The following NEK8 variants were observed in gnomAD, a reference collection of about 807,000 sequenced individuals.
The protein encoded by NEK8 is NIMA related kinase 8.
Under a neutral mutation model 77.2 loss-of-function variants are expected in NEK8, and 51 were observed. The observed-to-expected ratio is 0.66, with a 90% CI of 0.53 to 0.83. The LOEUF (loss-of-function observed/expected upper bound fraction) is 0.83. NEK8 is among the 40% of genes least tolerant of loss of function. The pLI is 0.00. For missense variants in NEK8, 787 were observed against 909.2 expected (o/e 0.87, Z 1.73); for synonymous variants, 365 against 363.2 (o/e 1.00, Z -0.06).
rs1444219606 is a variant in NEK8, at chr17:28,738,764, C to T, written c.1299+17C>T. The T allele has an allele frequency of 6.2e-7, 1 of 1,604,114 alleles. No individual in the cohort carries two copies. Among genetic ancestry groups the T allele is most frequent in the Non-Finnish European group, 8.5e-7 (1 of 1,170,920 alleles). ...ATCAGCCAGGTGGGTGTCACATATACCTTGGGAAGGGGAAGTCGGGGGATG... is the reference window on the plus strand; with the variant it reads ...ATCAGCCAGGTGGGTGTCACATATATCTTGGGAAGGGGAAGTCGGGGGATG... On this transcript the variant is annotated intron_variant, in intron 9 of 14. Transcript: ENST00000268766.
chr17:28,741,539 G>T lies in NEK8; in HGVS notation c.2018G>T (p.Cys673Phe). The change falls in exon 14 of 15, where the codon TGT (cysteine) becomes TTT (phenylalanine). Residue 673 changes from cysteine (C) to phenylalanine (F), a missense_variant. Cys to Phe is a radical substitution (Grantham distance 205). Around this residue, in one of 2 missense-constraint regions of NEK8, gnomAD observed 516 missense variants for 544.0 expected, o/e 0.95. Coordinates refer to ENST00000268766, the MANE Select transcript of NEK8 (RefSeq NM_178170.3). The surrounding 1 kb of genome is among the most constrained non-coding windows in gnomAD (Gnocchi z 4.5). ...THPYTVTSVS[C>F]CHGNTLLAVR... ...CCTTACACGGTGACTTCCGTGTCCTGTTGCCATGGAAACACCCTCCTGGCT... is the reference window on the plus strand; with the variant it reads ...CCTTACACGGTGACTTCCGTGTCCTTTTGCCATGGAAACACCCTCCTGGCT... 6.2e-7 allele frequency: 1 copy of T among 1,614,080 alleles called. No homozygotes were observed. Among genetic ancestry groups the T allele is most frequent in the South Asian group, 1.1e-5 (1 of 91,078 alleles).
In NEK8 at chr17:28,734,973, A is replaced by G; in HGVS notation, c.455A>G (p.Lys152Arg). The G allele has an allele frequency of 1.2e-6, 2 of 1,613,148 alleles. No homozygotes were observed. Among genetic ancestry groups the G allele is most frequent in the Non-Finnish European group, 1.7e-6 (2 of 1,179,986 alleles). ...AAGATCGGTGATTTCGGCATCTCCA[A>G]GATCCTTAGCAGCAAGAGCAAGGCC... is the stretch of plus-strand genomic sequence containing the variant. The part of the protein sequence containing the change: ...VVKIGDFGIS[K>R]ILSSKSKAYT... The change falls in exon 3 of 15, where the codon AAG (lysine) becomes AGG (arginine). Residue 152 changes from lysine to arginine, a missense_variant. Lys to Arg is a conservative substitution (Grantham distance 26, BLOSUM62 2). Transcript: ENST00000268766.
chr17:28,740,963 T>A lies in NEK8; in HGVS notation c.1710T>A (p.Thr570=), dbSNP rs768063742. Reference sequence around the variant, plus strand: ...CTCTGCTGAGTATAGACCTGGGCACTGCTCACTCAGCTGCTGTGACTGGTG... The same window carrying A: ...CTCTGCTGAGTATAGACCTGGGCACAGCTCACTCAGCTGCTGTGACTGGTG... ...QEPLLSIDLG[T]AHSAAVTASG... The change falls in exon 12 of 15, where the codon ACT becomes ACA. Residue 570 remains threonine, a synonymous_variant. Coordinates refer to ENST00000268766, the MANE Select transcript of NEK8 (RefSeq NM_178170.3). This position sits in a 1 kb window ranked among gnomAD's most constrained non-coding sequence, Gnocchi z 4.7. The A allele has an allele frequency of 6.2e-7, 1 of 1,614,138 alleles. No homozygotes were observed. The highest frequency in any genetic ancestry group is 1.1e-5 in the South Asian group (1 of 91,088).
chr17:28,735,668 C>T (rs536388557), intron 4 of NEK8, among the ~76,000 whole-genome samples: 196 of 152,190 alleles, frequency 1.3e-3, no homozygotes, highest in South Asian at 3.3e-3. Flanking sequence ...GCTGCAGCTC[C>T]CCTATCAGAC....
chr17:28,732,492 T>G (rs1026135568), intron 1 of NEK8, among the ~76,000 whole-genome samples: 7 of 151,448 alleles, frequency 4.6e-5, no homozygotes, highest in Non-Finnish European at 7.4e-5. Context: ...AGAAATAGGA[T>G]TTGCTTGTGT....
intron 1 of NEK8, among the ~76,000 whole-genome samples, chr17:28,729,967 T>C (rs2034291140): frequency 6.6e-6 from 1 of 152,140 alleles, no homozygotes; most frequent in Non-Finnish European, 1.5e-5. Context: ...AACAGAGCAT[T>C]CAAGAAACCG....
intron 9 of NEK8, 103 bp downstream of exon 9, chr17:28,738,850 A>G: frequency 1.0e-6 from 1 of 979,340 alleles, no homozygotes; most frequent in Non-Finnish European, 1.6e-6. Context: ...CCCAGCAACC[A>G]CAGGTTCCTC....
Position 28,741,124 on chromosome 17 carries a change from G to A in NEK8, c.1779G>A (p.Leu593=), listed in dbSNP as rs1316639104. 1 of 1,614,032 alleles carries A rather than the reference G, an allele frequency of 6.2e-7. No individual in the cohort carries two copies. The highest frequency in any genetic ancestry group is 2.2e-5 in the East Asian group (1 of 44,898). The change falls in exon 13 of 15, where the codon TTG becomes TTA. Residue 593 remains leucine (L), a synonymous_variant. Transcript: ENST00000268766. This position sits in a 1 kb window ranked among gnomAD's most constrained non-coding sequence, Gnocchi z 4.5. ...TTGGCAGCAATCAGCACGGACAGTT[G>A]GGCACCAATACTCGCCGAGGCAGTC... The part of the protein sequence containing the change: ...YTFGSNQHGQ[L]GTNTRRGSRA...
Position 28,741,904 on chromosome 17 carries a change from T to C in NEK8, c.2051-55T>C. 6.3e-7 allele frequency: 1 copy of C among 1,594,866 alleles called. No individual in the cohort carries two copies. The highest frequency in any genetic ancestry group is 8.6e-7 in the Non-Finnish European group (1 of 1,162,442). The stretch of plus-strand genomic sequence containing the variant: ...AGTGGGAGTGGGAGGTGGGTGATGA[T>C]TTCTGGAGGCACTGCCCTCAGAAGC... On this transcript the variant is annotated intron_variant, in intron 14 of 14. Coordinates refer to ENST00000268766, the MANE Select transcript of NEK8 (RefSeq NM_178170.3). This position sits in a 1 kb window ranked among gnomAD's most constrained non-coding sequence, Gnocchi z 4.5.
At chr17:28,733,445 C>T (rs1326915745) in intron 1 of NEK8, among the ~76,000 whole-genome samples, 1 of 152,134 alleles carries the variant, frequency 6.6e-6, no homozygotes, top group East Asian at 1.9e-4. Context: ...TATTGACTGC[C>T]TATTGTGTGC....
In NEK8 at chr17:28,741,291, G is replaced by T; in HGVS notation, c.1891+55G>T. The T allele has an allele frequency of 6.3e-7, 1 of 1,593,180 alleles. No homozygotes were observed. Among genetic ancestry groups the T allele is most frequent in the Non-Finnish European group, 8.6e-7 (1 of 1,167,778 alleles). ...GTGCCATGAGCAGTGGGGGGTGGGGGTTGCTATTCAGGGCCACTGGACTCT... is the reference window on the plus strand; with the variant it reads ...GTGCCATGAGCAGTGGGGGGTGGGGTTTGCTATTCAGGGCCACTGGACTCT... On this transcript the variant is annotated intron_variant, in intron 13 of 14. Transcript: ENST00000268766. The surrounding 1 kb of genome is among the most constrained non-coding windows in gnomAD (Gnocchi z 4.5).
In NEK8 at chr17:28,733,973, G is replaced by A. The variant is rs769058088; in HGVS notation, c.48-10G>A. 32 of 1,613,376 alleles carry A rather than the reference G, an allele frequency of 2.0e-5. No individual in the cohort carries two copies. The highest frequency in any genetic ancestry group is 7.7e-5 in the South Asian group (7 of 91,056). On this transcript the variant is annotated splice_polypyrimidine_tract_variant and intron_variant, in intron 1 of 14. Coordinates refer to ENST00000268766, the MANE Select transcript of NEK8 (RefSeq NM_178170.3). ...AGCTGGTAACCTGTCCCTGTCCTCC[G>A]TATCCCTAGGATTGTGCACCTGTGC...
At position 28,741,366 on chromosome 17, in the gene NEK8, G is replaced by A. The variant is rs569972986; in HGVS notation, c.1892-47G>A. ...CAATGTGGGAGGGGAGATCCTGCTC[G>A]GGCTGTGCCCACTTCCCACTTCCCT... On this transcript the variant is annotated intron_variant, in intron 13 of 14. Transcript: ENST00000268766. The surrounding 1 kb of genome is among the most constrained non-coding windows in gnomAD (Gnocchi z 4.5). 4.5e-5 allele frequency: 73 copies of A among 1,606,366 alleles called. 1 individual carries two copies. The East Asian group carries it at 4.9e-4, about 11-fold the overall frequency.
chr17:28,733,386 A>G (rs1385032240), intron 1 of NEK8, among the ~76,000 whole-genome samples: 7 of 152,174 alleles, frequency 4.6e-5, no homozygotes, highest in Non-Finnish European at 8.8e-5. Context: ...TCTGGAGGTA[A>G]AAATTTGAGA....
chr17:28,739,893 A>G (rs1388493415), intron 10 of NEK8, among the ~76,000 whole-genome samples: 1 of 152,234 alleles, frequency 6.6e-6, no homozygotes, highest in African/African-American at 2.4e-5. Context: ...GCCAGAGAAC[A>G]GATAGCATCA....
At position 28,734,945 on chromosome 17, in the gene NEK8, G is replaced by C; in HGVS notation, c.427G>C (p.Val143Leu). 6.2e-7 allele frequency: 1 copy of C among 1,613,502 alleles called. No homozygotes were observed. Among genetic ancestry groups the C allele is most frequent in the Non-Finnish European group, 8.5e-7 (1 of 1,180,008 alleles). Residue 143 changes from valine to leucine, a missense_variant, in exon 3 of 15, where the codon GTC becomes CTC. Transcript: ENST00000268766. ...CCTGCTTGACAAACACCGCATGGTC[G>C]TCAAGATCGGTGATTTCGGCATCTC... The part of the protein sequence containing the change: ...NILLDKHRMV[V>L]KIGDFGISKI...
At chr17:28,735,819 A>C (rs983423628) in intron 4 of NEK8, among the ~76,000 whole-genome samples, 2 of 152,068 alleles carry the variant, frequency 1.3e-5, no homozygotes, top group South Asian at 2.1e-4. Context: ...GCACATGTAC[A>C]CAACGTGCAG....
intron 1 of NEK8, among the ~76,000 whole-genome samples, chr17:28,731,897 G>T (rs1039853475): frequency 5.9e-5 from 8 of 136,496 alleles, no homozygotes; most frequent in Admixed American, 3.8e-4. Flanking sequence ...GAGCCACCGC[G>T]CCTGGCCCCA....
chr17:28,737,865 G>A lies in NEK8; in HGVS notation c.936G>A (p.Ser312=), dbSNP rs146798411. Residue 312 remains serine (S), a synonymous_variant, in exon 7 of 15, where the codon TCG becomes TCA. Transcript: ENST00000268766. The surrounding 1 kb of genome is among the most constrained non-coding windows in gnomAD (Gnocchi z 4.8). ...GGCCAGCCATCCCACCACCACTGTC[G>A]TCAGTGTATGCCTGGGGTGGTGGGC... is the stretch of plus-strand genomic sequence containing the variant. ...PVRPAIPPPL[S]SVYAWGGGLG... 140 of 1,613,918 alleles carry A rather than the reference G, an allele frequency of 8.7e-5. No homozygotes were observed. The African/African-American group carries it at 9.7e-4, about 11-fold the overall frequency.
Sources: allele counts gnomAD v4.1 joint callset (sites outside exome capture counted in the v4.1 genomes callset), GRCh38; gene constraint gnomAD v4.1.1; regional missense constraint gnomAD v4.1.1; non-coding constraint Gnocchi (gnomAD v3.1); transcripts MANE v1.5; gene names NCBI Gene and HGNC (gene_info 2026-07-23, HGNC 2026-07-21).